DPP6: variants seen among roughly 807,000 people sequenced by gnomAD.
The protein encoded by DPP6 is A-type potassium channel modulatory protein DPP6.
DPP6 carries 69 observed loss-of-function variants against 122.6 expected under a neutral mutation model. That is an observed-to-expected ratio of 0.56 (90% confidence interval 0.46 to 0.69). DPP6 has a LOEUF of 0.69. Ranked by LOEUF, DPP6 falls within the 30% of genes least tolerant of loss-of-function variation. The probability of loss-of-function intolerance (pLI) is 0.00; values close to 1 mark genes in which losing one functional copy is unlikely to be tolerated. For synonymous variants in DPP6, 418 were observed against 433.1 expected (o/e 0.97, Z 0.43); for missense variants, 928 against 1,116.9 (o/e 0.83, Z 2.41).
chr7:154,708,303 C>T (rs1840948116), intron 7 of DPP6, among the ~76,000 whole-genome samples: 1 of 152,168 alleles, frequency 6.6e-6, no homozygotes, highest in South Asian at 2.1e-4. Context: ...TTCCAGCAGT[C>T]TCTTCATGTA....
intron 23 of DPP6, 99 bp downstream of exon 23, chr7:154,887,833 G>T: frequency 1.5e-6 from 2 of 1,360,912 alleles, no homozygotes; most frequent in Non-Finnish European, 2.1e-6. Flanking sequence ...GCCTTCCCCA[G>T]CCCCATGCTT....
At chr7:154,303,672 A>G (rs1806062944) in intron 1 of DPP6, among the ~76,000 whole-genome samples, 1 of 152,010 alleles carries the variant, frequency 6.6e-6, no homozygotes, top group Non-Finnish European at 1.5e-5. Flanking sequence ...CCAAGCACAC[A>G]CCCATACCAC....
At chr7:154,585,445 G>T (rs7795467) in intron 5 of DPP6, among the ~76,000 whole-genome samples, 86,099 of 151,980 alleles carry the variant, frequency 0.57, 26,181 homozygotes, top group Non-Finnish European at 0.67. Context: ...AATGACTTGC[G>T]AGGATCAAGA....
chr7:153,787,003 G>A, the DPP6 span, among the ~76,000 whole-genome samples: 11,206 of 146,102 alleles, frequency 0.077, 963 homozygotes, highest in Non-Finnish European at 0.12. Flanking sequence ...CCGGGCTGGA[G>A]TGCAGTGGTG....
intron 7 of DPP6, among the ~76,000 whole-genome samples, chr7:154,696,712 C>T (rs1840239119): frequency 6.6e-6 from 1 of 152,100 alleles, no homozygotes; most frequent in Non-Finnish European, 1.5e-5. Context: ...CAACATAGCG[C>T]CCACCTCATG....
At position 154,654,488 on chromosome 7, in the gene DPP6, G is replaced by C. The variant is rs186236541; in HGVS notation, c.681-14872G>C. ...GGCTGGAGTGCAGTGACGTGATCTC[G>C]GCTCACTGCAACCTCTGCCTCCCAG... is the stretch of plus-strand genomic sequence containing the variant. On this transcript the variant is annotated intron_variant, in intron 6 of 25. Transcript: ENST00000377770. Among the ~76,000 whole-genome samples the C allele has an allele frequency of 4.1e-4, 58 of 142,352 alleles. 1 individual carries two copies. In the East Asian group the frequency reaches 0.012, roughly 28 times the overall value. 93.4% of individuals were successfully genotyped at this position (142,352 alleles called of 152,430 possible). A position where few individuals can be genotyped will look rare whatever the true frequency, so the allele number is the denominator to read the frequency against.
chr7:154,147,648 TTGTGTGTGTGTGTGTG>T (rs370147218), intron 1 of DPP6, among the ~76,000 whole-genome samples: 107 of 146,476 alleles, frequency 7.3e-4, no homozygotes, highest in Middle Eastern at 3.4e-3. Context: ...CCCAGCTAAT[TTGTGTGTGTGTGTGTG>T]TGTGTGTGTG....
At chr7:153,851,528 G>A in the DPP6 span, among the ~76,000 whole-genome samples, 2 of 152,118 alleles carry the variant, frequency 1.3e-5, no homozygotes, top group African/African-American at 4.8e-5. Context: ...TACTTAATCG[G>A]ATATTTTTCA....
chr7:154,488,978 A>C (rs976190272), intron 3 of DPP6, among the ~76,000 whole-genome samples: 2 of 152,188 alleles, frequency 1.3e-5, no homozygotes, highest in African/African-American at 4.8e-5. Flanking sequence ...CATAACAGAC[A>C]TTTACAAAAA....
At chr7:154,117,264 G>A (rs187943867) in intron 1 of DPP6, among the ~76,000 whole-genome samples, 1 of 152,272 alleles carries the variant, frequency 6.6e-6, no homozygotes, top group Admixed American at 6.5e-5. Flanking sequence ...TGAGTGGAGA[G>A]ATCAAGGTAC....
chr7:153,962,372 G>A (rs1016663270), intron 1 of DPP6, among the ~76,000 whole-genome samples: 16 of 152,122 alleles, frequency 1.1e-4, no homozygotes, highest in African/African-American at 2.4e-5. Flanking sequence ...TCGCTCCTGT[G>A]GTAATAGCCT....
rs1187684539 is a variant in DPP6, at chr7:154,481,104, G to C, written c.457+6067G>C. 6.6e-6 allele frequency among the ~76,000 whole-genome samples: 1 copy of C among 152,034 alleles called. No individual in the cohort carries two copies. ...GCAGGAAGGACCGAGGCTCTACTCC[G>C]GCACCTCAGGTACTAGCTCAGGTGC... On this transcript the variant is annotated intron_variant, in intron 3 of 25. Coordinates refer to ENST00000377770, the MANE Select transcript of DPP6 (RefSeq NM_130797.4). This position sits in a 1 kb window ranked among gnomAD's most constrained non-coding sequence, Gnocchi z 4.2.
intron 1 of DPP6, among the ~76,000 whole-genome samples, chr7:154,127,864 C>G (rs892628909): frequency 1.3e-5 from 2 of 151,894 alleles, no homozygotes; most frequent in Non-Finnish European, 2.9e-5. Context: ...GCTGTAGCAG[C>G]AGGCTAAGCC....
chr7:154,432,127 C>T (rs1818478097), intron 1 of DPP6, among the ~76,000 whole-genome samples: 1 of 152,208 alleles, frequency 6.6e-6, no homozygotes, highest in South Asian at 2.1e-4. Flanking sequence ...GCAAAAATCA[C>T]AGTACAAGTA....
intron 5 of DPP6, among the ~76,000 whole-genome samples, chr7:154,619,746 G>A (rs80248873): frequency 0.012 from 1,888 of 152,006 alleles, 32 homozygotes; most frequent in African/African-American, 0.043. Flanking sequence ...CACATTATAC[G>A]TTATACTTAG....
chr7:154,529,663 G>A (rs946193146), intron 3 of DPP6, among the ~76,000 whole-genome samples: 1 of 152,128 alleles, frequency 6.6e-6, no homozygotes, highest in Non-Finnish European at 1.5e-5. Flanking sequence ...AGCCTGTTTT[G>A]CAATGAATGA....
At chr7:154,290,664 T>A (rs1439178957) in intron 1 of DPP6, among the ~76,000 whole-genome samples, 3 of 143,038 alleles carry the variant, frequency 2.1e-5, no homozygotes, top group Admixed American at 1.4e-4. Flanking sequence ...AAAAAAAAAA[T>A]TCCCTCTTGC....
At chr7:154,727,723 C>G (rs367546464) in intron 7 of DPP6, 44 bp from the exon 8 acceptor site, 1 of 1,549,876 alleles carries the variant, frequency 6.5e-7, no homozygotes. Context: ...TATTTATAAC[C>G]ACTTCCTTGC....
At chr7:154,793,380 G>A (rs1797810644) in intron 10 of DPP6, among the ~76,000 whole-genome samples, 1 of 152,142 alleles carries the variant, frequency 6.6e-6, no homozygotes, top group Non-Finnish European at 1.5e-5. Flanking sequence ...TGGGTGACTG[G>A]ATGAATTCCC....
Sources: allele counts gnomAD v4.1 joint callset (sites outside exome capture counted in the v4.1 genomes callset), GRCh38; gene constraint gnomAD v4.1.1; non-coding constraint Gnocchi (gnomAD v3.1); transcripts MANE v1.5; gene names NCBI Gene and HGNC (gene_info 2026-07-23, HGNC 2026-07-21).